Variants in TRPC5 observed in about 807,000 individuals in gnomAD.
TRPC5 encodes the protein short transient receptor potential channel 5.
TRPC5 carries 9 observed loss-of-function variants against 56.5 expected under a neutral mutation model. The ratio of observed to expected loss-of-function variants is 0.16; its 90% CI spans 0.10 to 0.28. The LOEUF is 0.28. Among genes scored for constraint, TRPC5 ranks in the 10% least tolerant of loss-of-function variants. TRPC5 has a pLI of 1.00. For missense variants in TRPC5, 469 were observed against 748.9 expected (o/e 0.63, Z 4.36); for synonymous variants, 282 against 278.5 (o/e 1.01, Z -0.13).
chrX:111,863,115 T>C (rs1923451152), intron 3 of TRPC5, among the ~76,000 whole-genome samples: 1 of 111,911 alleles, frequency 8.9e-6, no homozygotes. Flanking sequence ...CATTCCATTC[T>C]ACTAGGCAAT....
At chrX:111,849,586 G>A (rs753390114) in intron 5 of TRPC5, among the ~76,000 whole-genome samples, 57 of 112,120 alleles carry the variant, frequency 5.1e-4, no homozygotes, top group Non-Finnish European at 9.2e-4. Context: ...TTAGAGCCTG[G>A]GGGTTCAATG....
chrX:111,886,867 T>C (rs1396347965), intron 3 of TRPC5, among the ~76,000 whole-genome samples: 1 of 112,876 alleles, frequency 8.9e-6, no homozygotes, highest in Admixed American at 9.4e-5. Flanking sequence ...CATCTTCCAC[T>C]ATGTTATCCT....
At position 111,847,174 on chromosome X, in the gene TRPC5, A is replaced by C; in HGVS notation, c.1640T>G (p.Ile547Ser). Residue 547 changes from isoleucine (I) to serine (S), a missense_variant, in exon 6 of 11, where the codon ATC becomes AGC. Ile to Ser is a moderately radical substitution (Grantham distance 142, BLOSUM62 -2). This residue lies in a region of TRPC5 where 157 missense variants were observed against 360.0 expected (regional missense o/e 0.44). Transcript: ENST00000262839. ...QLYFYYETRAIDEPNNCKGIR... is the reference protein window; with the variant it reads ...QLYFYYETRASDEPNNCKGIR... ...CCCCTTGCAGTTGTTAGGCTCATCG[A>C]TAGCTCTGGTTTCATAATAGAAGTA... 8.3e-7 allele frequency: 1 copy of C among 1,211,949 alleles called. No homozygotes were observed. Among genetic ancestry groups the C allele is most frequent in the Non-Finnish European group, 1.1e-6 (1 of 895,564 alleles).
chrX:112,081,490 G>C (rs1289354733), intron 1 of TRPC5, among the ~76,000 whole-genome samples: 3 of 111,133 alleles, frequency 2.7e-5, no homozygotes, highest in African/African-American at 6.6e-5. Flanking sequence ...TCCTTGGTCC[G>C]AGGGCCACAC....
intron 3 of TRPC5, among the ~76,000 whole-genome samples, chrX:111,860,895 A>G (rs1428303581): frequency 8.9e-6 from 1 of 112,154 alleles, no homozygotes; most frequent in African/African-American, 3.2e-5. Context: ...CAACCTTGAA[A>G]GTAAAGTTTG....
intron 1 of TRPC5, among the ~76,000 whole-genome samples, chrX:112,074,509 TA>T (rs1930789908): frequency 9.0e-6 from 1 of 110,675 alleles, no homozygotes; most frequent in African/African-American, 3.3e-5. Context: ...TTTCTTTTTT[TA>T]AAATCTCCAA....
intron 2 of TRPC5, among the ~76,000 whole-genome samples, chrX:111,926,352 T>A (rs1926258168): frequency 1.8e-5 from 2 of 111,713 alleles, no homozygotes; most frequent in Non-Finnish European, 3.8e-5. Context: ...TAAAAGTGCA[T>A]TGTGCATTAT....
At chrX:111,929,432 T>C (rs772865976) in intron 2 of TRPC5, among the ~76,000 whole-genome samples, 16 of 112,560 alleles carry the variant, frequency 1.4e-4, no homozygotes, top group Non-Finnish European at 2.3e-4. Context: ...ACAGCTTGGA[T>C]TGATTGCAGT....
At chrX:111,823,403 T>C (rs894482709) in intron 7 of TRPC5, among the ~76,000 whole-genome samples, 1 of 111,641 alleles carries the variant, frequency 9.0e-6, no homozygotes, top group East Asian at 2.8e-4. Flanking sequence ...GTGAGTATAA[T>C]GTCAAGAGAG....
Position 111,886,741 on chromosome X carries a change from G to A in TRPC5, c.900+25550C>T, listed in dbSNP as rs972528879. On this transcript the variant is annotated intron_variant, in intron 3 of 10. Coordinates refer to ENST00000262839, the MANE Select transcript of TRPC5 (RefSeq NM_012471.3). Reference sequence around the variant, plus strand: ...TCTGGTACTGTGGATTCAATTGCCAGAAGGTACCGAGGACTTGGCTTGCCT... The same window carrying A: ...TCTGGTACTGTGGATTCAATTGCCAAAAGGTACCGAGGACTTGGCTTGCCT... Among the ~76,000 whole-genome samples the A allele has an allele frequency of 9.8e-5, 11 of 112,145 alleles. No individual in the cohort carries two copies. In the South Asian group the frequency reaches 1.5e-3, roughly 15 times the overall value.
At chrX:111,893,310 A>C (rs1190693027) in intron 3 of TRPC5, among the ~76,000 whole-genome samples, 2 of 111,112 alleles carry the variant, frequency 1.8e-5, no homozygotes, top group Non-Finnish European at 3.8e-5. Context: ...AACCAAAAAA[A>C]TCTTTCTAGA....
At chrX:111,909,150 A>AT (rs1463930873) in intron 3 of TRPC5, among the ~76,000 whole-genome samples, 2 of 35,872 alleles carry the variant, frequency 5.6e-5, no homozygotes, top group Non-Finnish European at 1.4e-4. Context: ...AAATAAATTA[A>AT]TTAAAAAAAA....
rs772123574 is a variant in TRPC5, at chrX:112,033,286, TGCAGCACACCAACATG to T, written c.-22+48577_-22+48592del. ...CTAATGTAAATGACGAGTTAACGGG[TGCAGCACACCAACATG>T]GCACATGTGTAGATATGTAACAAAC... On this transcript the variant is annotated intron_variant, in intron 1 of 10. Transcript: ENST00000262839. Among the ~76,000 whole-genome samples, 36 of 107,257 alleles carry T rather than the reference TGCAGCACACCAACATG, an allele frequency of 3.4e-4. No homozygotes were observed. In the East Asian group the frequency reaches 5.1e-3, roughly 15 times the overall value. The allele number at this position is 107,257 out of a possible 115,157, so 93.1% of individuals were successfully genotyped here.
rs750793473 is a variant in TRPC5 at position 111,952,437 on chromosome X, G to A, written c.-17C>T. 3 of 1,180,319 alleles carry A rather than the reference G, an allele frequency of 2.5e-6. No homozygotes were observed. Among genetic ancestry groups the A allele is most frequent in the Non-Finnish European group, 2.3e-6 (2 of 879,630 alleles). Reference sequence around the variant, plus strand: ...TTGGGCCATGGTTCATAGCAATGCAGAAATCTGAGTGAGGAAACAGAGAAA... The same window carrying A: ...TTGGGCCATGGTTCATAGCAATGCAAAAATCTGAGTGAGGAAACAGAGAAA... On this transcript the variant is annotated 5_prime_UTR_variant, in exon 2 of 11. Transcript: ENST00000262839.
chrX:111,818,627 C>G (rs1265263135), intron 7 of TRPC5, among the ~76,000 whole-genome samples: 1 of 91,079 alleles, frequency 1.1e-5, no homozygotes, highest in Non-Finnish European at 2.1e-5. Flanking sequence ...TTTTTTTAGA[C>G]AGAGTCTCGC....
intron 7 of TRPC5, among the ~76,000 whole-genome samples, chrX:111,784,363 A>G (rs969031986): frequency 4.4e-5 from 5 of 112,479 alleles, no homozygotes; most frequent in Non-Finnish European, 9.4e-5. Context: ...AAGATAACTC[A>G]TAGAACGTGA....
At chrX:111,957,148 T>C (rs1028970063) in intron 1 of TRPC5, among the ~76,000 whole-genome samples, 1 of 112,114 alleles carries the variant, frequency 8.9e-6, no homozygotes, top group African/African-American at 3.2e-5. Flanking sequence ...TTGTTTCTCT[T>C]AAAGTGTAAT....
rs775447821 is a variant in TRPC5 at position 111,952,392 on chromosome X, T to C, written c.29A>G (p.Asn10Ser). The C allele has an allele frequency of 2.5e-6, 3 of 1,207,920 alleles. No homozygotes were observed. The highest frequency in any genetic ancestry group is 5.9e-5 in the East Asian group (2 of 33,776). Residue 10 changes from asparagine (N) to serine (S), a missense_variant, in exon 2 of 11, where the codon AAC (asparagine) becomes AGC (serine). This residue lies in a region of TRPC5 where 118 missense variants were observed against 167.1 expected (regional missense o/e 0.71). Transcript: ENST00000262839. MAQLYYKKV[N>S]YSPYRDRIPL... The stretch of plus-strand genomic sequence containing the variant: ...GATGCGGTCTCTGTACGGTGAGTAG[T>C]TGACCTTTTTGTAGTACAGTTGGGC...
chrX:111,997,548 TG>T (rs1928574213), intron 1 of TRPC5, among the ~76,000 whole-genome samples: 1 of 111,159 alleles, frequency 9.0e-6, no homozygotes, highest in African/African-American at 3.3e-5. Flanking sequence ...CTTGCTAGGT[TG>T]GGGGAAGTTC....
Sources: allele counts gnomAD v4.1 joint callset (sites outside exome capture counted in the v4.1 genomes callset), GRCh38; gene constraint gnomAD v4.1.1; regional missense constraint gnomAD v4.1.1; transcripts MANE v1.5; gene names NCBI Gene and HGNC (gene_info 2026-07-23, HGNC 2026-07-21).